Variants in AGO2 observed in about 807,000 individuals in gnomAD.
AGO2 encodes argonaute RISC catalytic component 2, also known as protein argonaute-2.
A neutral mutation model predicts 102.3 loss-of-function variants in AGO2; 5 were observed. The observed-to-expected ratio is 0.05, with a 90% confidence interval of 0.03 to 0.10. The LOEUF (loss-of-function observed/expected upper bound fraction) is 0.10. Among genes scored for constraint, AGO2 ranks in the 10% least tolerant of loss-of-function variants. The pLI, the probability that AGO2 is intolerant of heterozygous loss-of-function variation, is 1.00. For missense variants in AGO2, 541 were observed against 1,183.7 expected (o/e 0.46, Z 7.97); for synonymous variants, 449 against 473.1 (o/e 0.95, Z 0.66).
upstream of AGO2, among the ~76,000 whole-genome samples, chr8:140,639,170 G>A (rs1563666197): frequency 3.3e-5 from 5 of 152,058 alleles, no homozygotes; most frequent in Non-Finnish European, 7.4e-5. Context: ...GCCCAGACTG[G>A]TTTTTTGTTT....
intron 1 of AGO2, among the ~76,000 whole-genome samples, chr8:140,601,367 C>T (rs1255515434): frequency 2.0e-5 from 3 of 152,198 alleles, no homozygotes; most frequent in Non-Finnish European, 4.4e-5. Context: ...CCAGCACCCC[C>T]CCGCCGCTGT....
At position 140,530,217 on chromosome 8, in the gene AGO2, T is replaced by C. The variant is rs1216259112; in HGVS notation, c.*1827A>G. On this transcript the variant is annotated 3_prime_UTR_variant, in exon 19 of 19. Coordinates refer to ENST00000220592, the MANE Select transcript of AGO2 (RefSeq NM_012154.5). Reference sequence around the variant, plus strand: ...ACAAATAATAGTCATCCCTTTGTCATTGCCGCCAATATCCAGGCGAGGTAT... The same window carrying C: ...ACAAATAATAGTCATCCCTTTGTCACTGCCGCCAATATCCAGGCGAGGTAT... 1.3e-5 allele frequency: 2 copies of C among 152,258 alleles called. No individual in the cohort carries two copies. The highest frequency in any genetic ancestry group is 4.8e-5 in the African/African-American group (2 of 41,448). 9.4% of individuals were successfully genotyped at this position (152,258 alleles called of 1,614,324 possible).
chr8:140,547,391 T>A, intron 13 of AGO2, 77 bp downstream of exon 13: 2 of 1,550,746 alleles, frequency 1.3e-6, no homozygotes, highest in Non-Finnish European at 8.7e-7. Flanking sequence ...CCCTGCCCCC[T>A]GCATACTGCA....
chr8:140,558,896 C>T (rs978591316), intron 6 of AGO2, among the ~76,000 whole-genome samples: 1 of 152,164 alleles, frequency 6.6e-6, no homozygotes, highest in Non-Finnish European at 1.5e-5. Flanking sequence ...TCCAAAAGGA[C>T]GGGTTCAGCG....
At chr8:140,582,371 T>A (rs2073570732) in intron 2 of AGO2, among the ~76,000 whole-genome samples, 1 of 152,140 alleles carries the variant, frequency 6.6e-6, no homozygotes, top group African/African-American at 2.4e-5. Flanking sequence ...AACATGACGC[T>A]CAAAGGAAAT....
chr8:140,531,903 T>G lies in AGO2; in HGVS notation c.*141A>C, dbSNP rs1333871173. 3 of 742,400 alleles carry G rather than the reference T, an allele frequency of 4.0e-6. No individual in the cohort carries two copies. The Admixed American group carries it at 7.7e-5, about 19-fold the overall frequency. 46.0% of individuals were successfully genotyped at this position (742,400 alleles called of 1,614,324 possible). The stretch of plus-strand genomic sequence containing the variant: ...TTGAAATCTGGGACGGAAGGCATTC[T>G]GGAAAACGGAGAATCTAATAAAATC... On this transcript the variant is annotated 3_prime_UTR_variant, in exon 19 of 19. Coordinates refer to ENST00000220592, the MANE Select transcript of AGO2 (RefSeq NM_012154.5).
At chr8:140,542,881 G>C (rs1313385090) in intron 14 of AGO2, among the ~76,000 whole-genome samples, 1 of 152,182 alleles carries the variant, frequency 6.6e-6, no homozygotes, top group Non-Finnish European at 1.5e-5. Context: ...GCTCACGCCT[G>C]TCATCCCAGC....
In AGO2 at chr8:140,540,123, CA is replaced by C. The variant is rs1170137560; in HGVS notation, c.2035-670del. Among the ~76,000 whole-genome samples the C allele has an allele frequency of 6.6e-6, 1 of 152,066 alleles. No homozygotes were observed. Among genetic ancestry groups the C allele is most frequent in the Non-Finnish European group, 1.5e-5 (1 of 67,994 alleles). ...ACAAAAAAACAAAACAAAAAACACA[CA>C]AAAAACAAAGCAGCTCAGGCAGGCT... On this transcript the variant is annotated intron_variant, in intron 15 of 18. Transcript: ENST00000220592. This position sits in a 1 kb window ranked among gnomAD's most constrained non-coding sequence, Gnocchi z 5.0.
At chr8:140,627,147 G>A (rs1406792220) in intron 1 of AGO2, among the ~76,000 whole-genome samples, 1 of 152,230 alleles carries the variant, frequency 6.6e-6, no homozygotes, top group African/African-American at 2.4e-5. Context: ...AGCTCACTTA[G>A]AGCAAGACAC....
intron 7 of AGO2, among the ~76,000 whole-genome samples, chr8:140,558,265 C>T (rs576822047): frequency 4.6e-5 from 7 of 152,330 alleles, no homozygotes; most frequent in South Asian, 2.1e-4. Flanking sequence ...GAGCCTGGGC[C>T]GGCCCTTCTA....
At chr8:140,544,970 G>A (rs372493030) in intron 13 of AGO2, among the ~76,000 whole-genome samples, 4 of 152,122 alleles carry the variant, frequency 2.6e-5, no homozygotes, top group South Asian at 2.1e-4. Context: ...CCTTCCTCCC[G>A]GGTTGAGAGT....
chr8:140,554,716 A>C (rs1215729513), intron 10 of AGO2, among the ~76,000 whole-genome samples: 3 of 152,028 alleles, frequency 2.0e-5, no homozygotes, highest in African/African-American at 7.3e-5. Flanking sequence ...TTTTTGAGAC[A>C]AGTCTTGCTC....
chr8:140,530,308 TG>T lies in AGO2; in HGVS notation c.*1735del, dbSNP rs759153879. On this transcript the variant is annotated 3_prime_UTR_variant, in exon 19 of 19. Coordinates refer to ENST00000220592, the MANE Select transcript of AGO2 (RefSeq NM_012154.5). ...CCTCCAAAGCAGCTGAGCACAAAGG[TG>T]GGGGGGGGGGTGCCGCTGAGCAGGA... 0.5 allele frequency: 72,827 copies of T among 145,606 alleles called. 18,109 individuals carry two copies. The highest frequency in any genetic ancestry group is 0.62 in the East Asian group (3,131 of 5,018). 9.0% of individuals were successfully genotyped at this position (145,606 alleles called of 1,614,324 possible).
At chr8:140,547,236 C>A (rs1214478080) in intron 13 of AGO2, among the ~76,000 whole-genome samples, 1 of 152,240 alleles carries the variant, frequency 6.6e-6, no homozygotes, top group Non-Finnish European at 1.5e-5. Context: ...GCACAAATTT[C>A]TCTGTCTGGA....
chr8:140,585,333 C>G, intron 1 of AGO2, 22 bp from the exon 2 acceptor site: 1 of 1,609,618 alleles, frequency 6.2e-7, no homozygotes. Flanking sequence ...GAGAGAACAC[C>G]CATTAACGGG....
chr8:140,550,556 T>C (rs2072977979), intron 11 of AGO2, among the ~76,000 whole-genome samples: 1 of 152,076 alleles, frequency 6.6e-6, no homozygotes, highest in African/African-American at 2.4e-5. Context: ...TCTTAATCAC[T>C]CCTCTTGTCT....
chr8:140,552,758 A>G (rs1448275734), intron 10 of AGO2, among the ~76,000 whole-genome samples: 165 of 144,464 alleles, frequency 1.1e-3, no homozygotes, highest in African/African-American at 4.2e-3. Flanking sequence ...ACACACACAC[A>G]CACACACACA....
At chr8:140,639,297 C>T (rs1025714529), upstream of AGO2, among the ~76,000 whole-genome samples, 4 of 152,100 alleles carry the variant, frequency 2.6e-5, no homozygotes, top group African/African-American at 4.8e-5. Flanking sequence ...CTGGCTAACA[C>T]GGTGAAACCC....
At chr8:140,604,688 G>A (rs1220823818) in intron 1 of AGO2, among the ~76,000 whole-genome samples, 2 of 152,186 alleles carry the variant, frequency 1.3e-5, no homozygotes, top group Non-Finnish European at 2.9e-5. Context: ...TTAGCCGGGC[G>A]TGGTGGCGGG....
Sources: gnomAD v4.1 joint callset for allele counts (sites outside exome capture counted in the v4.1 genomes callset) on GRCh38, gnomAD v4.1.1 for gene constraint, Gnocchi (gnomAD v3.1) non-coding constraint, MANE v1.5 for transcripts, NCBI Gene and HGNC (gene_info 2026-07-23, HGNC 2026-07-21) for gene names.